Variants in HMCN1 observed in about 807,000 individuals in gnomAD.
HMCN1 encodes hemicentin 1.
In HMCN1, 321 loss-of-function variants were observed where a neutral mutation model predicts 625.9. The ratio of observed to expected loss-of-function variants is 0.51; its 90% CI spans 0.47 to 0.56. HMCN1 has a LOEUF of 0.56. HMCN1 is among the 20% of genes least tolerant of loss of function. HMCN1 has a pLI of 0.00. For missense variants in HMCN1, 6,588 were observed against 6,887.3 expected (o/e 0.96, Z 1.54); for synonymous variants, 2,425 against 2,417.6 (o/e 1.00, Z -0.09).
At position 186,106,964 on chromosome 1, in the gene HMCN1, T is replaced by C. The variant is rs774177091; in HGVS notation, c.10851T>C (p.His3617=). ...ATAAGGAATATCTAGTGAGAGTGCA[T>C]GGTAAATTTGACAAAATATCCTACA... ...DDDKEYLVRV[H]VPPNIAGTDE... Residue 3617 remains histidine, a splice_region_variant and synonymous_variant, in exon 70 of 107, where the codon CAT becomes CAC. Transcript: ENST00000271588. 9.4e-6 allele frequency: 15 copies of C among 1,598,728 alleles called. No homozygotes were observed. Among genetic ancestry groups the C allele is most frequent in the Non-Finnish European group, 1.3e-5 (15 of 1,166,132 alleles).
chr1:186,171,582 C>A, intron 101 of HMCN1, 132 bp downstream of exon 101: 1 of 719,096 alleles, frequency 1.4e-6, no homozygotes, highest in African/African-American at 1.8e-5. Context: ...TGTATGCAAT[C>A]CATGCAAAAC....
At chr1:186,116,710 G>T (rs1661152363) in intron 75 of HMCN1, among the ~76,000 whole-genome samples, 1 of 152,118 alleles carries the variant, frequency 6.6e-6, no homozygotes, top group African/African-American at 2.4e-5. Context: ...GAGCCAGGTT[G>T]ATCATAATAT....
Position 186,088,170 on chromosome 1 carries a change from A to G in HMCN1, c.9471A>G (p.Glu3157=). Residue 3157 remains glutamate (E), a synonymous_variant, in exon 62 of 107, where the codon GAA becomes GAG. Transcript: ENST00000271588. The part of the protein sequence containing the change: ...VYVPPSIEGP[E]REVIVETISN... ...TGCCACCCAGTATTGAAGGACCTGAAAGAGAAGTGATTGTGGAGACGATCA... is the reference window on the plus strand; with the variant it reads ...TGCCACCCAGTATTGAAGGACCTGAGAGAGAAGTGATTGTGGAGACGATCA... 2 of 1,611,304 alleles carry G rather than the reference A, an allele frequency of 1.2e-6. No individual in the cohort carries two copies. The highest frequency in any genetic ancestry group is 2.2e-5 in the South Asian group (2 of 90,842).
intron 1 of HMCN1, among the ~76,000 whole-genome samples, chr1:185,834,793 C>A (rs1224002255): frequency 6.6e-6 from 1 of 152,138 alleles, no homozygotes; most frequent in East Asian, 1.9e-4. Context: ...ACAGCTAAGA[C>A]ATATCCTTAA....
At chr1:185,782,289 A>G (rs1304273692) in intron 1 of HMCN1, among the ~76,000 whole-genome samples, 1 of 151,828 alleles carries the variant, frequency 6.6e-6, no homozygotes, top group African/African-American at 2.4e-5. Flanking sequence ...ATGGGTCTTG[A>G]CTCTTTATCC....
chr1:186,140,575 T>C (rs1357945183), intron 89 of HMCN1, among the ~76,000 whole-genome samples: 3 of 152,240 alleles, frequency 2.0e-5, no homozygotes, highest in African/African-American at 7.2e-5. Context: ...GTATAGTTAC[T>C]ATTTTTACTT....
At chr1:185,932,529 A>G (rs1407545620) in intron 10 of HMCN1, among the ~76,000 whole-genome samples, 1 of 152,200 alleles carries the variant, frequency 6.6e-6, no homozygotes, top group Admixed American at 6.5e-5. Flanking sequence ...ATGTATTGCT[A>G]CAGGAGATCA....
chr1:186,139,726 C>T (rs1649835877), intron 89 of HMCN1, among the ~76,000 whole-genome samples: 1 of 151,878 alleles, frequency 6.6e-6, no homozygotes, highest in Non-Finnish European at 1.5e-5. Flanking sequence ...TATTTCTTCC[C>T]AATAAGAGCA....
chr1:186,091,807 T>TG, intron 64 of HMCN1, among the ~76,000 whole-genome samples: 1 of 152,014 alleles, frequency 6.6e-6, no homozygotes, highest in Non-Finnish European at 1.5e-5. Flanking sequence ...TTTAAGGGTT[T>TG]GGAGTATATT....
chr1:186,115,112 C>G lies in HMCN1; in HGVS notation c.11405-146C>G. 4 of 1,329,928 alleles carry G rather than the reference C, an allele frequency of 3.0e-6. No homozygotes were observed. In the South Asian group the frequency reaches 3.6e-5, roughly 12 times the overall value. The allele number at this position is 1,329,928 out of a possible 1,614,324, so 82.4% of individuals were successfully genotyped here. On this transcript the variant is annotated intron_variant, in intron 74 of 106. Coordinates refer to ENST00000271588, the MANE Select transcript of HMCN1 (RefSeq NM_031935.3). Reference sequence around the variant, plus strand: ...TTCTCCTTAGTATAGTTAATATCATCACAGCACTATTAAAATTTGCAGAGT... The same window carrying G: ...TTCTCCTTAGTATAGTTAATATCATGACAGCACTATTAAAATTTGCAGAGT...
chr1:185,948,175 A>G (rs1437348543), intron 11 of HMCN1, among the ~76,000 whole-genome samples: 2 of 152,212 alleles, frequency 1.3e-5, no homozygotes, highest in African/African-American at 2.4e-5. Context: ...ATACAACTCA[A>G]TAGAAATTAG....
At chr1:185,883,879 ATTT>A (rs1205211897) in intron 4 of HMCN1, among the ~76,000 whole-genome samples, 1,468 of 55,742 alleles carry the variant, frequency 0.026, 11 homozygotes, top group African/African-American at 0.086. Flanking sequence ...ATAGGTCATG[ATTT>A]TTTTTTTTTT....
intron 85 of HMCN1, 34 bp downstream of exon 85, chr1:186,130,731 A>G: frequency 1.3e-6 from 2 of 1,587,242 alleles, no homozygotes; most frequent in Non-Finnish European, 1.7e-6. Flanking sequence ...TGCACCTTTA[A>G]ACCCCCACAG....
At chr1:186,116,868 G>T (rs1661159102) in intron 75 of HMCN1, 126 bp from the exon 76 acceptor site, 1 of 1,111,382 alleles carries the variant, frequency 9.0e-7, no homozygotes. Context: ...GGGACATGAT[G>T]TTAATTTTAA....
Position 185,794,343 on chromosome 1 carries a change from T to TTATATATATATATATA in HMCN1, c.269-51681_269-51666dup, listed in dbSNP as rs61058896. On this transcript the variant is annotated intron_variant, in intron 1 of 106. Transcript: ENST00000271588. ...AGAGGGACAGAACTAAGAGGATAGA[T>TTATATATATATATATA]TATATATATATATATATGTGAGTTT... Among the ~76,000 whole-genome samples, 470 of 147,662 alleles carry TTATATATATATATATA rather than the reference T, an allele frequency of 3.2e-3. 3 individuals carry two copies. Among genetic ancestry groups the TTATATATATATATATA allele is most frequent in the African/African-American group, 0.011 (445 of 39,996 alleles).
At chr1:185,833,508 C>T (rs1393621470) in intron 1 of HMCN1, among the ~76,000 whole-genome samples, 1 of 152,134 alleles carries the variant, frequency 6.6e-6, no homozygotes, top group Non-Finnish European at 1.5e-5. Flanking sequence ...GAAGATCTTA[C>T]ATTTTTTTAG....
chr1:185,779,977 G>A (rs1427375364), intron 1 of HMCN1, among the ~76,000 whole-genome samples: 1 of 152,222 alleles, frequency 6.6e-6, no homozygotes, highest in Non-Finnish European at 1.5e-5. Context: ...TCCTATCCAT[G>A]AGCATGGAAT....
intron 61 of HMCN1, 24 bp downstream of exon 61, chr1:186,088,037 C>A: frequency 2.5e-6 from 4 of 1,611,798 alleles, no homozygotes; most frequent in Non-Finnish European, 2.5e-6. Context: ...TCTAATACAA[C>A]TCTTTTTCCC....
rs568713110 is a variant in HMCN1 at position 186,016,034 on chromosome 1, G to A, written c.4986G>A (p.Glu1662=). The A allele has an allele frequency of 5.0e-5, 81 of 1,613,350 alleles. No individual in the cohort carries two copies. The highest frequency in any genetic ancestry group is 6.3e-5 in the Non-Finnish European group (74 of 1,179,588). The change falls in exon 32 of 107, where the codon GAG becomes GAA. Residue 1662 remains glutamate (E), a synonymous_variant. Coordinates refer to ENST00000271588, the MANE Select transcript of HMCN1 (RefSeq NM_031935.3). ...QVVIAHSLTL[E]CKAAGNPSPI... is the part of the protein sequence containing the mutation. ...TTATTGCTCATTCTCTGACACTGGA[G>A]TGCAAAGCTGCTGGAAACCCTTCTC...
Sources: gnomAD v4.1 joint callset for allele counts (sites outside exome capture counted in the v4.1 genomes callset) on GRCh38, gnomAD v4.1.1 for gene constraint, MANE v1.5 for transcripts, NCBI Gene and HGNC (gene_info 2026-07-23, HGNC 2026-07-21) for gene names.